The following PITPNC1 variants were observed in gnomAD, a reference collection of about 807,000 sequenced individuals.
PITPNC1 encodes cytoplasmic phosphatidylinositol transfer protein 1.
In PITPNC1, 18 loss-of-function variants were observed where a neutral mutation model predicts 44.7. The ratio of observed to expected loss-of-function variants is 0.40; its 90% confidence interval spans 0.28 to 0.60. The LOEUF is 0.60. PITPNC1 is among the 20% of genes least tolerant of loss of function. The pLI, the probability that PITPNC1 is intolerant of heterozygous loss-of-function variation, is 0.39. For synonymous variants in PITPNC1, 141 were observed against 149.6 expected (o/e 0.94, Z 0.42); for missense variants, 290 against 418.4 (o/e 0.69, Z 2.68).
rs2042968544 is a variant in PITPNC1 at position 67,693,805 on chromosome 17, CA to C, written c.*918del. 6.6e-6 allele frequency: 1 copy of C among 152,210 alleles called. No homozygotes were observed. The highest frequency in any genetic ancestry group is 6.5e-5 in the Admixed American group (1 of 15,284). The allele number at this position is 152,210 out of a possible 1,614,324, so 9.4% of individuals were successfully genotyped here. Reference sequence around the variant, plus strand: ...GTAGAGTAAGCTAACTGGGCTTTAACATGGTCAGAATGTCTGGTGCATGAAC... The same window carrying C: ...GTAGAGTAAGCTAACTGGGCTTTAACTGGTCAGAATGTCTGGTGCATGAAC... On this transcript the variant is annotated 3_prime_UTR_variant, in exon 9 of 9. Transcript: ENST00000581322.
chr17:67,381,430 T>G (rs1371301075), intron 1 of PITPNC1, among the ~76,000 whole-genome samples: 3 of 150,464 alleles, frequency 2.0e-5, no homozygotes, highest in African/African-American at 4.9e-5. Flanking sequence ...CTGGGCCTGA[T>G]TCAACCTACA....
At chr17:67,558,655 C>T (rs929883881) in intron 4 of PITPNC1, among the ~76,000 whole-genome samples, 1 of 152,120 alleles carries the variant, frequency 6.6e-6, no homozygotes, top group African/African-American at 2.4e-5. Context: ...GTGATCACCC[C>T]TCTCCACCGG....
intron 7 of PITPNC1, among the ~76,000 whole-genome samples, chr17:67,673,741 G>T (rs1219088605): frequency 6.6e-6 from 1 of 151,940 alleles, no homozygotes; most frequent in East Asian, 1.9e-4. Flanking sequence ...ACAAGATCAG[G>T]GGTTCGAGAC....
chr17:67,618,501 A>G (rs1171215781), intron 5 of PITPNC1, among the ~76,000 whole-genome samples: 1 of 152,022 alleles, frequency 6.6e-6, no homozygotes, highest in Non-Finnish European at 1.5e-5. Flanking sequence ...CTGTAATCCC[A>G]GTACTTTGGG....
intron 5 of PITPNC1, among the ~76,000 whole-genome samples, chr17:67,583,348 G>T (rs2041260496): frequency 6.6e-6 from 1 of 152,104 alleles, no homozygotes; most frequent in Non-Finnish European, 1.5e-5. Context: ...AGCACTTTGG[G>T]AGGCCGAGGC....
chr17:67,473,084 G>A (rs1397369825), intron 1 of PITPNC1, among the ~76,000 whole-genome samples: 2 of 152,044 alleles, frequency 1.3e-5, no homozygotes, highest in African/African-American at 4.8e-5. Flanking sequence ...CACCATGTTA[G>A]CCAGGATGGT....
At chr17:67,424,764 C>T (rs780286321) in intron 1 of PITPNC1, among the ~76,000 whole-genome samples, 8 of 150,774 alleles carry the variant, frequency 5.3e-5, no homozygotes, top group African/African-American at 7.3e-5. Flanking sequence ...GTGGCGTGAT[C>T]GGCTCGCTGC....
At chr17:67,583,293 T>C (rs62084144) in intron 5 of PITPNC1, among the ~76,000 whole-genome samples, 1,688 of 152,170 alleles carry the variant, frequency 0.011, 17 homozygotes, top group Non-Finnish European at 0.018. Context: ...CAGCTGCCTA[T>C]TAAAATCACC....
chr17:67,423,286 G>A (rs2038697382), intron 1 of PITPNC1, among the ~76,000 whole-genome samples: 1 of 152,198 alleles, frequency 6.6e-6, no homozygotes, highest in Non-Finnish European at 1.5e-5. Flanking sequence ...GATACAAGTT[G>A]AATCAGGTCT....
chr17:67,581,969 G>T (rs2041240612), intron 5 of PITPNC1, among the ~76,000 whole-genome samples: 1 of 152,024 alleles, frequency 6.6e-6, no homozygotes, highest in African/African-American at 2.4e-5. Flanking sequence ...GGAGGCAGAG[G>T]TTGCCGTGAG....
intron 1 of PITPNC1, among the ~76,000 whole-genome samples, chr17:67,450,225 G>T (rs1190206289): frequency 2.6e-5 from 4 of 152,110 alleles, no homozygotes; most frequent in African/African-American, 9.7e-5. Flanking sequence ...TTTGGACAAT[G>T]GGCTGTGTGA....
At chr17:67,452,005 G>T (rs1359586354) in intron 1 of PITPNC1, among the ~76,000 whole-genome samples, 1 of 151,262 alleles carries the variant, frequency 6.6e-6, no homozygotes, top group Non-Finnish European at 1.5e-5. Flanking sequence ...TCAGTGGTTG[G>T]GTTTTTTTTT....
intron 4 of PITPNC1, among the ~76,000 whole-genome samples, chr17:67,557,445 G>A (rs1598817751): frequency 6.6e-6 from 1 of 152,238 alleles, no homozygotes; most frequent in East Asian, 1.9e-4. Flanking sequence ...ATGGATGGAG[G>A]GCAGGTCGTG....
chr17:67,400,448 CG>C (rs1253815108), intron 1 of PITPNC1, among the ~76,000 whole-genome samples: 1 of 152,124 alleles, frequency 6.6e-6, no homozygotes, highest in Non-Finnish European at 1.5e-5. Context: ...AACTATTTTG[CG>C]AAGAAGTCTG....
intron 1 of PITPNC1, among the ~76,000 whole-genome samples, chr17:67,522,659 C>CTTTTTTTTTTTCTTTTTTTTTTT (rs1555661488): frequency 2.6e-5 from 3 of 117,228 alleles, no homozygotes; most frequent in African/African-American, 1.3e-4. Flanking sequence ...CCATTTTAAT[C>CTTTTTTTTTTTCTTTTTTTTTTT]TTTTTTTTTT....
intron 1 of PITPNC1, among the ~76,000 whole-genome samples, chr17:67,524,261 A>G (rs1188816785): frequency 1.3e-5 from 2 of 152,106 alleles, no homozygotes; most frequent in African/African-American, 4.8e-5. Flanking sequence ...TGGGCAACAT[A>G]GCAAGATACC....
chr17:67,509,357 C>A (rs906117404), intron 1 of PITPNC1, among the ~76,000 whole-genome samples: 1 of 150,920 alleles, frequency 6.6e-6, no homozygotes, highest in South Asian at 2.1e-4. Flanking sequence ...TATGGTGAAA[C>A]CCCATCTCTA....
chr17:67,512,344 C>CA (rs969490747), intron 1 of PITPNC1, among the ~76,000 whole-genome samples: 5 of 151,848 alleles, frequency 3.3e-5, no homozygotes, highest in Admixed American at 6.6e-5. Context: ...TACTAAAATA[C>CA]AAAAAAATTA....
intron 1 of PITPNC1, among the ~76,000 whole-genome samples, chr17:67,488,627 G>C (rs1250775111): frequency 1.3e-5 from 2 of 152,168 alleles, no homozygotes; most frequent in African/African-American, 4.8e-5. Context: ...TAAATGTACA[G>C]TTCTGTGTTA....
Sources: gnomAD v4.1 joint callset for allele counts (sites outside exome capture counted in the v4.1 genomes callset) on GRCh38, gnomAD v4.1.1 for gene constraint, MANE v1.5 for transcripts, NCBI Gene and HGNC (gene_info 2026-07-23, HGNC 2026-07-21) for gene names.